INO80D: variants seen among roughly 807,000 people sequenced by gnomAD.
INO80D encodes INO80 complex subunit D.
A neutral mutation model predicts 87.6 loss-of-function variants in INO80D; 21 were observed. The ratio of observed to expected loss-of-function variants is 0.24; its 90% CI spans 0.17 to 0.35. The LOEUF (loss-of-function observed/expected upper bound fraction) is 0.35. INO80D is among the 10% of genes least tolerant of loss of function. INO80D has a pLI of 1.00. For synonymous variants in INO80D, 440 were observed against 491.0 expected (o/e 0.90, Z 1.37); for missense variants, 982 against 1,280.7 (o/e 0.77, Z 3.56).
chr2:206,073,726 G>A (rs995600595), intron 1 of INO80D, among the ~76,000 whole-genome samples: 2 of 152,052 alleles, frequency 1.3e-5, no homozygotes, highest in East Asian at 1.9e-4. Context: ...TGTTGCCCAG[G>A]CTGGTCTCGA....
At chr2:206,016,986 G>A (rs1307058397) in intron 8 of INO80D, among the ~76,000 whole-genome samples, 1 of 152,092 alleles carries the variant, frequency 6.6e-6, no homozygotes, top group East Asian at 1.9e-4. Flanking sequence ...GCATGAAAAC[G>A]GACTAATACA....
chr2:206,081,251 C>T (rs761983886), intron 1 of INO80D, among the ~76,000 whole-genome samples: 1 of 152,188 alleles, frequency 6.6e-6, no homozygotes, highest in African/African-American at 2.4e-5. Context: ...CCTACCCTTA[C>T]GTTTTTCCTC....
Position 206,063,031 on chromosome 2 carries a change from C to G in INO80D, c.-15G>C. ...CCTTCATACATCACGTGACTCTATT[C>G]CTTGTGAACATCAGCTAAAAGGCCA... On this transcript the variant is annotated 5_prime_UTR_variant, in exon 3 of 11. Coordinates refer to ENST00000403263, the MANE Select transcript of INO80D (RefSeq NM_017759.5). The G allele has an allele frequency of 6.4e-7, 1 of 1,570,874 alleles. No homozygotes were observed. The highest frequency in any genetic ancestry group is 1.1e-5 in the South Asian group (1 of 89,140).
intron 4 of INO80D, among the ~76,000 whole-genome samples, chr2:206,051,776 C>T (rs938842400): frequency 3.3e-5 from 5 of 152,166 alleles, no homozygotes; most frequent in Non-Finnish European, 7.3e-5. Flanking sequence ...GGTAAGATTA[C>T]TGGCATGAGC....
At position 206,062,917 on chromosome 2, in the gene INO80D, C is replaced by T. The variant is rs755323717; in HGVS notation, c.100G>A (p.Ala34Thr). The change falls in exon 3 of 11, where the codon GCC becomes ACC. Residue 34 changes from alanine to threonine, a missense_variant. By Grantham distance (58) the Ala-to-Thr change is moderately conservative. Coordinates refer to ENST00000403263, the MANE Select transcript of INO80D (RefSeq NM_017759.5). This position sits in a 1 kb window ranked among gnomAD's most constrained non-coding sequence, Gnocchi z 4.6. ...LCKQRRLNGY[A>T]FCIRHVLEDK... ...TCCAGAACGTGTCTGATACAGAAGG[C>T]GTAGCCGTTGAGTCGCCTCTGCTTG... is the stretch of plus-strand genomic sequence containing the variant. 3.7e-6 allele frequency: 6 copies of T among 1,613,224 alleles called. 1 individual carries two copies. Among genetic ancestry groups the T allele is most frequent in the Non-Finnish European group, 5.1e-6 (6 of 1,179,682 alleles).
At chr2:206,046,798 G>A (rs1007893913) in intron 4 of INO80D, among the ~76,000 whole-genome samples, 186 bp from the exon 5 acceptor site, 1 of 151,926 alleles carries the variant, frequency 6.6e-6, no homozygotes, top group Non-Finnish European at 1.5e-5. Context: ...TTTTGTTTTT[G>A]TTTGACAGAG....
At chr2:206,033,016 T>A (rs1458696253) in intron 5 of INO80D, among the ~76,000 whole-genome samples, 3 of 152,178 alleles carry the variant, frequency 2.0e-5, no homozygotes, top group Non-Finnish European at 4.4e-5. Context: ...ATGACCTAAA[T>A]GCTCCACTTA....
chr2:206,073,338 G>GT, intron 1 of INO80D, among the ~76,000 whole-genome samples: 1 of 152,184 alleles, frequency 6.6e-6, no homozygotes, highest in Admixed American at 6.5e-5. Context: ...CACAGCTGGC[G>GT]TTTTTTACCC....
Position 205,994,518 on chromosome 2 carries a change from T to C in INO80D, c.*9850A>G, listed in dbSNP as rs1687772592. The C allele has an allele frequency of 6.6e-6, 1 of 152,232 alleles. No individual in the cohort carries two copies. The highest frequency in any genetic ancestry group is 2.1e-4 in the South Asian group (1 of 4,830). 9.4% of individuals were successfully genotyped at this position (152,232 alleles called of 1,614,324 possible). ...TACACTTCAGTACTCTAGTTGTTAG[T>C]ACCATACAATTGCCAAGAGGCTTTT... On this transcript the variant is annotated 3_prime_UTR_variant, in exon 11 of 11. Coordinates refer to ENST00000403263, the MANE Select transcript of INO80D (RefSeq NM_017759.5).
rs1575806344 is a variant in INO80D at position 206,017,688 on chromosome 2, TGGC to T, written c.1531_1533del (p.Ala511del). The T allele has an allele frequency of 6.3e-7, 1 of 1,586,866 alleles. No homozygotes were observed. ...TCTGTTGCAGAACTTACCATTTTTTTGGCATGTTCTTCACACAGAGGTGTCTGA... is the reference window on the plus strand; with the variant it reads ...TCTGTTGCAGAACTTACCATTTTTTTATGTTCTTCACACAGAGGTGTCTGA... On this transcript the variant is annotated inframe_deletion, in exon 8 of 11. Transcript: ENST00000403263.
At chr2:206,015,126 T>C (rs1480110127) in intron 8 of INO80D, among the ~76,000 whole-genome samples, 1 of 152,028 alleles carries the variant, frequency 6.6e-6, no homozygotes, top group East Asian at 1.9e-4. Context: ...AAGCATTCAG[T>C]TTTAAAAGGG....
intron 1 of INO80D, among the ~76,000 whole-genome samples, chr2:206,083,662 T>G (rs1283139532): frequency 6.6e-6 from 1 of 152,096 alleles, no homozygotes; most frequent in South Asian, 2.1e-4. Flanking sequence ...AAGAATCACA[T>G]GAGTCTCATT....
intron 7 of INO80D, among the ~76,000 whole-genome samples, chr2:206,018,788 G>C (rs917417804): frequency 5.9e-5 from 9 of 152,098 alleles, no homozygotes; most frequent in Non-Finnish European, 1.2e-4. Context: ...TGTAGTCCCA[G>C]GTACTCAGGA....
chr2:206,047,626 G>A (rs1206929253), intron 4 of INO80D, among the ~76,000 whole-genome samples: 1 of 151,868 alleles, frequency 6.6e-6, no homozygotes, highest in Non-Finnish European at 1.5e-5. Context: ...CAAGAAAAAG[G>A]TCAATACCTG....
At chr2:206,009,827 G>T in intron 8 of INO80D, 33 bp from the exon 9 acceptor site, 1 of 1,527,686 alleles carries the variant, frequency 6.5e-7, no homozygotes, top group South Asian at 1.2e-5. Context: ...TTTAAATTGA[G>T]ATTATCTGGG....
At chr2:206,025,602 A>G (rs1008526620) in intron 6 of INO80D, 16 of 147,232 alleles carry the variant, frequency 1.1e-4, no homozygotes, top group African/African-American at 3.9e-4. Context: ...AGGCTGGTCC[A>G]TATGCAGTGG....
chr2:205,995,677 G>A lies in INO80D; in HGVS notation c.*8691C>T, dbSNP rs1687796415. ...ACGAAAGCATATGTACACATGCTCTGACATGTATATATACACTTTTGTCTG... is the reference window on the plus strand; with the variant it reads ...ACGAAAGCATATGTACACATGCTCTAACATGTATATATACACTTTTGTCTG... On this transcript the variant is annotated 3_prime_UTR_variant, in exon 11 of 11. Coordinates refer to ENST00000403263, the MANE Select transcript of INO80D (RefSeq NM_017759.5). 1 of 152,088 alleles carries A rather than the reference G, an allele frequency of 6.6e-6. No individual in the cohort carries two copies. Among genetic ancestry groups the A allele is most frequent in the Non-Finnish European group, 1.5e-5 (1 of 67,968 alleles). The allele number at this position is 152,088 out of a possible 1,614,324, so 9.4% of individuals were successfully genotyped here.
chr2:206,007,255 G>A (rs1381892890), intron 10 of INO80D, 29 bp downstream of exon 10: 3 of 1,594,424 alleles, frequency 1.9e-6, no homozygotes, highest in South Asian at 1.1e-5. Flanking sequence ...TTTAAAACCA[G>A]TTTCCTTGAG....
chr2:206,073,161 T>C (rs969755496), intron 1 of INO80D, among the ~76,000 whole-genome samples: 3 of 152,144 alleles, frequency 2.0e-5, no homozygotes, highest in Non-Finnish European at 2.9e-5. Context: ...TTGAGTATTA[T>C]TGTAGTATCA....
Sources: allele counts gnomAD v4.1 joint callset (sites outside exome capture counted in the v4.1 genomes callset), GRCh38; gene constraint gnomAD v4.1.1; non-coding constraint Gnocchi (gnomAD v3.1); transcripts MANE v1.5; gene names NCBI Gene and HGNC (gene_info 2026-07-23, HGNC 2026-07-21).